The following POLA1 variants were observed in gnomAD, a reference collection of about 807,000 sequenced individuals.
The protein encoded by POLA1 is DNA polymerase alpha catalytic subunit.
In POLA1, 15 loss-of-function variants were observed where a neutral mutation model predicts 124.0. The observed-to-expected ratio is 0.12, with a 90% CI of 0.08 to 0.19. The LOEUF is 0.19. POLA1 is among the 10% of genes least tolerant of loss of function. POLA1 has a pLI of 1.00. For synonymous variants in POLA1, 408 were observed against 389.4 expected, an observed-to-expected ratio of 1.05 and a Z score of -0.56; for missense variants, 886 against 1,103.4, an observed-to-expected ratio of 0.80 and a Z score of 2.79.
intron 36 of POLA1, among the ~76,000 whole-genome samples, chrX:24,950,533 G>A (rs2048022945): frequency 9.0e-6 from 1 of 111,624 alleles, no homozygotes; most frequent in Admixed American, 9.5e-5. Context: ...TTTCTGTTAG[G>A]TTTTCTGTAG....
At chrX:24,951,559 C>T (rs1267062163) in intron 36 of POLA1, among the ~76,000 whole-genome samples, 2 of 110,069 alleles carry the variant, frequency 1.8e-5, no homozygotes, top group Non-Finnish European at 3.8e-5. Flanking sequence ...TTTTCATCTT[C>T]CCGCCCCACT....
chrX:24,818,724 G>A (rs1348184349), intron 30 of POLA1, among the ~76,000 whole-genome samples: 2 of 112,218 alleles, frequency 1.8e-5, no homozygotes, highest in East Asian at 5.5e-4. Context: ...ACAACAAATA[G>A]CATTTCTTTC....
chrX:24,719,433 TTAGC>T (rs1930060302), intron 10 of POLA1, among the ~76,000 whole-genome samples: 1 of 111,893 alleles, frequency 8.9e-6, no homozygotes, highest in Non-Finnish European at 1.9e-5. Context: ...TTAATTTACT[TTAGC>T]TAGGACAAAA....
At chrX:24,720,142 T>C in intron 10 of POLA1, among the ~76,000 whole-genome samples, 1 of 112,198 alleles carries the variant, frequency 8.9e-6, no homozygotes, top group South Asian at 3.7e-4. Flanking sequence ...CTGTGTTCCT[T>C]TACTCCTTGT....
intron 36 of POLA1, among the ~76,000 whole-genome samples, chrX:24,945,007 T>G (rs1166343668): frequency 1.8e-5 from 2 of 111,846 alleles, no homozygotes; most frequent in African/African-American, 6.5e-5. Flanking sequence ...AAAAACTCAG[T>G]CTCTGGAGTG....
chrX:24,882,791 G>A (rs1157736983), intron 34 of POLA1, among the ~76,000 whole-genome samples: 2 of 107,690 alleles, frequency 1.9e-5, no homozygotes, highest in Non-Finnish European at 3.8e-5. Context: ...TGTCTATCAT[G>A]AATAGTGCTG....
intron 11 of POLA1, among the ~76,000 whole-genome samples, chrX:24,723,652 A>G (rs1930342485): frequency 8.9e-6 from 1 of 112,252 alleles, no homozygotes. Flanking sequence ...CTCCATTGCC[A>G]TTTATTAACA....
At chrX:24,781,903 A>G (rs1283304938) in intron 26 of POLA1, among the ~76,000 whole-genome samples, 1 of 112,111 alleles carries the variant, frequency 8.9e-6, no homozygotes, top group African/African-American at 3.2e-5. Flanking sequence ...ATTTTAGTAT[A>G]TATTGTAATT....
chrX:24,737,047 G>C (rs1291465485), intron 18 of POLA1, among the ~76,000 whole-genome samples: 1 of 111,663 alleles, frequency 9.0e-6, no homozygotes, highest in African/African-American at 3.3e-5. Context: ...ACTCTATATA[G>C]TTTTGTTTCT....
chrX:24,774,755 C>A (rs2045103012), intron 26 of POLA1, among the ~76,000 whole-genome samples: 1 of 112,563 alleles, frequency 8.9e-6, no homozygotes, highest in South Asian at 3.6e-4. Flanking sequence ...ATTGCTTTTT[C>A]TTTTCAGGGT....
chrX:24,930,183 C>A (rs2047754086), intron 35 of POLA1, among the ~76,000 whole-genome samples: 1 of 112,375 alleles, frequency 8.9e-6, no homozygotes, highest in African/African-American at 3.2e-5. Flanking sequence ...TTGACAAAAT[C>A]AGGTTTTTGA....
At chrX:24,735,254 C>G in intron 17 of POLA1, 145 bp from the exon 18 acceptor site, 1 of 408,082 alleles carries the variant, frequency 2.5e-6, no homozygotes, top group Non-Finnish European at 4.3e-6. Context: ...AACCTACAAT[C>G]AGGAATTTCA....
intron 32 of POLA1, among the ~76,000 whole-genome samples, chrX:24,833,921 CA>C (rs2046303782): frequency 9.1e-6 from 1 of 110,451 alleles, no homozygotes; most frequent in African/African-American, 3.3e-5. Flanking sequence ...CCCATCTCTA[CA>C]AAAAATACCA....
chrX:24,940,839 A>AT (rs1404938287), intron 36 of POLA1, among the ~76,000 whole-genome samples: 1 of 111,927 alleles, frequency 8.9e-6, no homozygotes, highest in Non-Finnish European at 1.9e-5. Context: ...ATAAGTGTGA[A>AT]TTTTTTTAAA....
intron 5 of POLA1, 54 bp from the exon 6 acceptor site, chrX:24,715,087 T>G: frequency 1.2e-6 from 1 of 849,452 alleles, no homozygotes; most frequent in Non-Finnish European, 1.8e-6. Flanking sequence ...GTAGTTTTGG[T>G]GAGACATTTT....
chrX:24,821,403 A>G, intron 30 of POLA1, 49 bp from the exon 31 acceptor site: 2 of 1,095,984 alleles, frequency 1.8e-6, no homozygotes, highest in East Asian at 6.1e-5. Flanking sequence ...ATATCTGTGT[A>G]AGAAGGGTTT....
At chrX:24,968,903 T>C in intron 36 of POLA1, among the ~76,000 whole-genome samples, 1 of 110,774 alleles carries the variant, frequency 9.0e-6, no homozygotes, top group East Asian at 2.9e-4. Flanking sequence ...GTTAGTATCC[T>C]TCTTCTCTAA....
At chrX:24,864,411 C>G (rs924710042) in intron 34 of POLA1, among the ~76,000 whole-genome samples, 3 of 112,196 alleles carry the variant, frequency 2.7e-5, no homozygotes, top group Non-Finnish European at 5.6e-5. Context: ...GTATACCACT[C>G]TAGAATATAA....
At chrX:24,936,481 C>G (rs1569368626) in intron 36 of POLA1, among the ~76,000 whole-genome samples, 1 of 111,947 alleles carries the variant, frequency 8.9e-6, no homozygotes, top group Non-Finnish European at 1.9e-5. Flanking sequence ...GAGCACCTGT[C>G]TGGTCCTTTT....
Sources: gnomAD v4.1 joint callset for allele counts (sites outside exome capture counted in the v4.1 genomes callset) on GRCh38, gnomAD v4.1.1 for gene constraint, MANE v1.5 for transcripts, NCBI Gene and HGNC (gene_info 2026-07-23, HGNC 2026-07-21) for gene names.